Variants in CCNH observed in about 807,000 individuals in gnomAD.
CCNH encodes the protein cyclin-H.
CCNH carries 31 observed loss-of-function variants against 41.9 expected under a neutral mutation model. That is an observed-to-expected ratio of 0.74 (90% CI 0.56 to 1.00). CCNH has a LOEUF of 1.00. Ranked by LOEUF, CCNH falls within the 50% of genes least tolerant of loss-of-function variation. The pLI, the probability that CCNH is intolerant of heterozygous loss-of-function variation, is 0.00. For missense variants in CCNH, 362 were observed against 388.4 expected, an observed-to-expected ratio of 0.93 and a Z score of 0.57; for synonymous variants, 138 against 136.1, an observed-to-expected ratio of 1.01 and a Z score of -0.10.
upstream of CCNH, among the ~76,000 whole-genome samples, chr5:87,380,229 T>C (rs534008788): frequency 1.3e-5 from 2 of 152,280 alleles, no homozygotes; most frequent in East Asian, 3.9e-4. Context: ...AGAAGTTAAC[T>C]TAAGTCTAAA....
intron 4 of CCNH, 88 bp downstream of exon 4, chr5:87,407,888 G>A: frequency 1.0e-6 from 1 of 973,516 alleles, no homozygotes; most frequent in Non-Finnish European, 1.6e-6. Flanking sequence ...TAACAACGAG[G>A]ATGATTATGA....
intron 9 of CCNH, among the ~76,000 whole-genome samples, chr5:87,360,236 C>T (rs866072843): frequency 6.6e-6 from 1 of 151,154 alleles, no homozygotes; most frequent in Non-Finnish European, 1.5e-5. Context: ...AAGCGATTCT[C>T]CTCCCTCAGC....
downstream of CCNH, chr5:87,392,091 C>A: frequency 3.1e-6 from 1 of 326,004 alleles, no homozygotes; most frequent in Non-Finnish European, 6.0e-6. Flanking sequence ...GCAATAATTC[C>A]TTCCCTCTCA....
At chr5:87,341,997 C>G (rs1580308877) in intron 9 of CCNH, among the ~76,000 whole-genome samples, 1 of 151,968 alleles carries the variant, frequency 6.6e-6, no homozygotes, top group Non-Finnish European at 1.5e-5. Flanking sequence ...AATGCTTCAC[C>G]CTTCTGTAAG....
chr5:87,345,348 AC>A (rs1758781830), intron 9 of CCNH, among the ~76,000 whole-genome samples: 1 of 151,992 alleles, frequency 6.6e-6, no homozygotes, highest in South Asian at 2.1e-4. Context: ...TCACTTTTTT[AC>A]CCTTCTTTTT....
intron 9 of CCNH, among the ~76,000 whole-genome samples, chr5:87,361,192 G>A (rs1310376159): frequency 6.6e-6 from 1 of 152,198 alleles, no homozygotes; most frequent in African/African-American, 2.4e-5. Context: ...CAGCATGTTA[G>A]GGAATGAGCA....
chr5:87,393,086 A>C (rs185806413), downstream of CCNH, among the ~76,000 whole-genome samples: 556 of 151,976 alleles, frequency 3.7e-3, 1 homozygote, highest in African/African-American at 9.2e-3. Context: ...AAAAAAAAAA[A>C]CCCACAAAAC....
chr5:87,351,311 T>A (rs2923745), intron 9 of CCNH, among the ~76,000 whole-genome samples: 151,766 of 151,796 alleles, frequency 1, 75,868 homozygotes, highest in Non-Finnish European at 1. Context: ...TAGTTTCTTC[T>A]TTATTAGTGC....
intron 9 of CCNH, among the ~76,000 whole-genome samples, chr5:87,348,591 C>T (rs989774342): frequency 6.6e-6 from 1 of 151,468 alleles, no homozygotes; most frequent in Non-Finnish European, 1.5e-5. Flanking sequence ...TTTGAATCTA[C>T]CTTTATAAAA....
intron 9 of CCNH, among the ~76,000 whole-genome samples, chr5:87,343,453 T>C (rs1758624513): frequency 6.6e-6 from 1 of 152,082 alleles, no homozygotes; most frequent in African/African-American, 2.4e-5. Flanking sequence ...TGCCAGCAGG[T>C]ATATGAAAAA....
upstream of CCNH, among the ~76,000 whole-genome samples, chr5:87,378,870 T>C (rs1025689912): frequency 1.8e-4 from 27 of 152,324 alleles, no homozygotes; most frequent in African/African-American, 5.5e-4. Context: ...ACTCATTATA[T>C]AACCTATGTA....
At chr5:87,328,789 C>A (rs1411399109) in intron 9 of CCNH, among the ~76,000 whole-genome samples, 3 of 152,054 alleles carry the variant, frequency 2.0e-5, no homozygotes, top group African/African-American at 4.8e-5. Flanking sequence ...TTGAGAAATA[C>A]TGTTTTTGAG....
At chr5:87,329,193 C>G (rs1757439878) in intron 9 of CCNH, among the ~76,000 whole-genome samples, 1 of 151,766 alleles carries the variant, frequency 6.6e-6, no homozygotes, top group African/African-American at 2.4e-5. Context: ...ACCTGTAATC[C>G]TAGCACTTGG....
intron 9 of CCNH, among the ~76,000 whole-genome samples, chr5:87,327,971 A>G (rs556743575): frequency 1.7e-4 from 25 of 151,304 alleles, no homozygotes; most frequent in African/African-American, 5.8e-4. Flanking sequence ...CGTTTCCCAA[A>G]AAAAAAAAAA....
At chr5:87,326,209 C>T (rs1757219762) in intron 9 of CCNH, among the ~76,000 whole-genome samples, 1 of 152,166 alleles carries the variant, frequency 6.6e-6, no homozygotes, top group African/African-American at 2.4e-5. Context: ...TGGGTTCCAG[C>T]AGTCCCCTCC....
At chr5:87,321,995 G>A (rs1756852208) in intron 9 of CCNH, among the ~76,000 whole-genome samples, 1 of 152,110 alleles carries the variant, frequency 6.6e-6, no homozygotes, top group Admixed American at 6.6e-5. Context: ...CTATAACAAG[G>A]GTGATATAGC....
At chr5:87,379,635 A>C (rs1561324929), upstream of CCNH, 4 of 1,494,082 alleles carry the variant, frequency 2.7e-6, no homozygotes, top group East Asian at 7.5e-5. Flanking sequence ...GAGATACCGA[A>C]AAATAGACAA....
chr5:87,338,513 A>T (rs1338460401), intron 9 of CCNH, among the ~76,000 whole-genome samples: 3 of 97,356 alleles, frequency 3.1e-5, no homozygotes, highest in Admixed American at 2.1e-4. Flanking sequence ...ATATATATAT[A>T]TATATATATA....
chr5:87,369,608 A>G (rs1022304641), intron 9 of CCNH, among the ~76,000 whole-genome samples: 1 of 152,120 alleles, frequency 6.6e-6, no homozygotes, highest in Admixed American at 6.6e-5. Flanking sequence ...TGAAATACTG[A>G]TAACATTTTA....
Sources: gnomAD v4.1 joint callset for allele counts (sites outside exome capture counted in the v4.1 genomes callset) on GRCh38, gnomAD v4.1.1 for gene constraint, MANE v1.5 for transcripts, NCBI Gene and HGNC (gene_info 2026-07-23, HGNC 2026-07-21) for gene names.